MYO1B: variants seen among roughly 807,000 people sequenced by gnomAD.
MYO1B encodes the protein myosin IB.
In MYO1B, 72 loss-of-function variants were observed where a neutral mutation model predicts 159.7. The ratio of observed to expected loss-of-function variants is 0.45; its 90% CI spans 0.37 to 0.55. The LOEUF is 0.55. Among genes scored for constraint, MYO1B ranks in the 20% least tolerant of loss-of-function variants. The probability of loss-of-function intolerance (pLI) is 0.00; values close to 1 mark genes in which losing one functional copy is unlikely to be tolerated. For missense variants in MYO1B, 1,062 were observed against 1,364.8 expected, an observed-to-expected ratio of 0.78 and a Z score of 3.50; for synonymous variants, 468 against 473.8, an observed-to-expected ratio of 0.99 and a Z score of 0.16.
At chr2:191,247,320 G>A (rs1685850631) in intron 1 of MYO1B, among the ~76,000 whole-genome samples, 1 of 152,156 alleles carries the variant, frequency 6.6e-6, no homozygotes, top group African/African-American at 2.4e-5. Flanking sequence ...CATTTATTTT[G>A]AGATGAACCA....
intron 13 of MYO1B, among the ~76,000 whole-genome samples, chr2:191,371,324 C>A (rs1249699051): frequency 6.6e-6 from 1 of 152,154 alleles, no homozygotes; most frequent in Non-Finnish European, 1.5e-5. Context: ...TTCCTTTCAC[C>A]TAAACCAGAC....
In MYO1B at chr2:191,342,971, G is replaced by A. The variant is rs1692320033; in HGVS notation, c.451+1406G>A. 4.6e-5 allele frequency among the ~76,000 whole-genome samples: 7 copies of A among 152,306 alleles called. No individual in the cohort carries two copies. In the South Asian group the frequency reaches 1.5e-3, roughly 32 times the overall value. On this transcript the variant is annotated intron_variant, in intron 5 of 30. Coordinates refer to ENST00000392318, the MANE Select transcript of MYO1B (RefSeq NM_001130158.3). Reference sequence around the variant, plus strand: ...GTCACTTAACATATTTGTTATGGTGGAGTAAGGTTTCTCAGCCTCAGCAGT... The same window carrying A: ...GTCACTTAACATATTTGTTATGGTGAAGTAAGGTTTCTCAGCCTCAGCAGT...
intron 2 of MYO1B, among the ~76,000 whole-genome samples, chr2:191,294,087 A>G (rs1294275437): frequency 3.3e-5 from 5 of 152,218 alleles, no homozygotes; most frequent in African/African-American, 1.2e-4. Context: ...TCTAGGTGAT[A>G]GAGATGCAGC....
chr2:191,289,710 C>T (rs182488121), intron 2 of MYO1B, among the ~76,000 whole-genome samples: 2 of 152,236 alleles, frequency 1.3e-5, no homozygotes, highest in East Asian at 3.9e-4. Context: ...AAAAATAGGT[C>T]ATTATGGGAT....
chr2:191,262,225 G>A (rs1199768261), intron 1 of MYO1B, among the ~76,000 whole-genome samples: 3 of 151,994 alleles, frequency 2.0e-5, no homozygotes, highest in Non-Finnish European at 4.4e-5. Flanking sequence ...TGAGAAAAAG[G>A]CACTCTTTGG....
intron 1 of MYO1B, among the ~76,000 whole-genome samples, chr2:191,257,856 A>G (rs1686550188): frequency 6.6e-6 from 1 of 152,224 alleles, no homozygotes; most frequent in Admixed American, 6.5e-5. Context: ...TCTGTACCTT[A>G]TTCCACAATT....
intron 3 of MYO1B, among the ~76,000 whole-genome samples, chr2:191,327,572 C>T (rs983734501): frequency 6.6e-6 from 1 of 152,206 alleles, no homozygotes; most frequent in African/African-American, 2.4e-5. Context: ...CAGGGAATTG[C>T]ATCTGAGATG....
chr2:191,268,616 T>C (rs529536787), intron 1 of MYO1B, among the ~76,000 whole-genome samples: 1 of 152,336 alleles, frequency 6.6e-6, no homozygotes, highest in Non-Finnish European at 1.5e-5. Context: ...CTAGAACCAC[T>C]CTGGGCAGCA....
chr2:191,360,772 T>TTGTTGTTGC, intron 8 of MYO1B, 43 bp downstream of exon 8: 1 of 1,333,376 alleles, frequency 7.5e-7, no homozygotes, highest in Non-Finnish European at 1.1e-6. Context: ...GTTGTTGTTG[T>TTGTTGTTGC]TGTTGTTGTT....
At chr2:191,401,255 C>A (rs1425176147) in intron 23 of MYO1B, among the ~76,000 whole-genome samples, 2 of 152,090 alleles carry the variant, frequency 1.3e-5, no homozygotes, top group Admixed American at 1.3e-4. Flanking sequence ...ATGCCTCTAA[C>A]ATATGTCTTA....
intron 2 of MYO1B, among the ~76,000 whole-genome samples, chr2:191,282,976 G>C (rs1688155082): frequency 6.6e-6 from 1 of 152,216 alleles, no homozygotes; most frequent in South Asian, 2.1e-4. Flanking sequence ...CCAGAGTGTA[G>C]CTTTGGTGTT....
intron 12 of MYO1B, among the ~76,000 whole-genome samples, chr2:191,369,865 C>A (rs1182702631): frequency 6.6e-6 from 1 of 152,104 alleles, no homozygotes; most frequent in Non-Finnish European, 1.5e-5. Flanking sequence ...TGGAGTTACT[C>A]TGGGAGTCGG....
At chr2:191,358,309 G>T (rs1693432864) in intron 7 of MYO1B, among the ~76,000 whole-genome samples, 1 of 152,132 alleles carries the variant, frequency 6.6e-6, no homozygotes, top group African/African-American at 2.4e-5. Context: ...CATAGCAAAA[G>T]GTCAGGGAAG....
At chr2:191,257,139 A>G (rs1247383130) in intron 1 of MYO1B, among the ~76,000 whole-genome samples, 1 of 152,196 alleles carries the variant, frequency 6.6e-6, no homozygotes. Context: ...AAAATAAAGC[A>G]TCAGTTTTAT....
At chr2:191,403,724 C>T (rs1430577167) in intron 24 of MYO1B, among the ~76,000 whole-genome samples, 2 of 152,082 alleles carry the variant, frequency 1.3e-5, no homozygotes, top group African/African-American at 4.8e-5. Context: ...ACTGAATATT[C>T]ACCAAGTAAT....
intron 5 of MYO1B, 31 bp downstream of exon 5, chr2:191,341,596 T>A: frequency 6.4e-7 from 1 of 1,562,710 alleles, no homozygotes; most frequent in Non-Finnish European, 8.8e-7. Context: ...TAAGTCGGTG[T>A]GACTCAAACA....
intron 6 of MYO1B, among the ~76,000 whole-genome samples, chr2:191,347,591 A>G (rs1274571773): frequency 1.3e-5 from 2 of 152,260 alleles, no homozygotes; most frequent in African/African-American, 4.8e-5. Context: ...GATATTTGAA[A>G]TCTAGTGAAA....
chr2:191,390,610 G>GT, intron 18 of MYO1B, 118 bp downstream of exon 18: 1 of 1,169,924 alleles, frequency 8.5e-7, no homozygotes, highest in Non-Finnish European at 1.2e-6. Context: ...TGTAACCTCT[G>GT]TTTTGGACCT....
chr2:191,268,753 G>A (rs1687288141), intron 1 of MYO1B, among the ~76,000 whole-genome samples: 1 of 152,146 alleles, frequency 6.6e-6, no homozygotes, highest in African/African-American at 2.4e-5. Flanking sequence ...ATCTCTATGA[G>A]CTCCATGCTC....
Sources: allele counts gnomAD v4.1 joint callset (sites outside exome capture counted in the v4.1 genomes callset), GRCh38; gene constraint gnomAD v4.1.1; transcripts MANE v1.5; gene names NCBI Gene and HGNC (gene_info 2026-07-23, HGNC 2026-07-21).